The following CBLN2 variants were observed in gnomAD, a reference collection of about 807,000 sequenced individuals.
CBLN2 encodes cerebellin-2.
In CBLN2, 7 loss-of-function variants were observed where a neutral mutation model predicts 15.0. That is an observed-to-expected ratio of 0.47 (90% CI 0.27 to 0.88). The LOEUF is 0.88. Among genes scored for constraint, CBLN2 ranks in the 40% least tolerant of loss-of-function variants. The pLI is 0.14. For synonymous variants in CBLN2, 149 were observed against 135.2 expected, an observed-to-expected ratio of 1.10 and a Z score of -0.71; for missense variants, 242 against 304.5, an observed-to-expected ratio of 0.79 and a Z score of 1.53.
intron 1 of CBLN2, among the ~76,000 whole-genome samples, chr18:72,634,288 T>C (rs2069797392): frequency 6.6e-6 from 1 of 152,070 alleles, no homozygotes; most frequent in Admixed American, 6.6e-5. Flanking sequence ...AGCCTATGAA[T>C]CTACCCAAAT....
At chr18:72,629,984 A>G (rs1187497704) in intron 1 of CBLN2, among the ~76,000 whole-genome samples, 1 of 152,216 alleles carries the variant, frequency 6.6e-6, no homozygotes, top group Non-Finnish European at 1.5e-5. Context: ...TGGAAGTTAT[A>G]AAATTAGCAG....
At chr18:72,625,633 A>G (rs1005361710) in intron 1 of CBLN2, among the ~76,000 whole-genome samples, 31 of 147,284 alleles carry the variant, frequency 2.1e-4, no homozygotes, top group Non-Finnish European at 3.9e-4. Context: ...ATATAAATAT[A>G]CAGTATTACT....
intron 1 of CBLN2, among the ~76,000 whole-genome samples, chr18:72,577,670 T>C (rs2069376813): frequency 6.6e-6 from 1 of 152,216 alleles, no homozygotes; most frequent in Non-Finnish European, 1.5e-5. Context: ...CCAGGTACGC[T>C]CTGGCCTGGT....
intron 1 of CBLN2, among the ~76,000 whole-genome samples, chr18:72,603,672 A>C (rs2069563894): frequency 6.6e-6 from 1 of 152,158 alleles, no homozygotes; most frequent in Non-Finnish European, 1.5e-5. Flanking sequence ...CAGTCTGAGC[A>C]CTTCACTGCT....
chr18:72,549,060 G>A (rs1439813012), upstream of CBLN2, among the ~76,000 whole-genome samples: 3 of 151,724 alleles, frequency 2.0e-5, no homozygotes, highest in Admixed American at 1.3e-4. Context: ...CACCCAGACC[G>A]GAGGGCAATG....
At chr18:72,547,434 G>A (rs946306673), upstream of CBLN2, among the ~76,000 whole-genome samples, 5 of 151,712 alleles carry the variant, frequency 3.3e-5, no homozygotes, top group South Asian at 4.2e-4. Flanking sequence ...GTAAGAAAAC[G>A]GCACATGTAC....
intron 1 of CBLN2, among the ~76,000 whole-genome samples, chr18:72,630,495 A>AAC (rs3030024): frequency 0.83 from 116,954 of 140,326 alleles, 50,479 homozygotes; most frequent in Non-Finnish European, 0.95. Context: ...CTACTGCTCC[A>AAC]ACACACACAC....
intron 1 of CBLN2, among the ~76,000 whole-genome samples, chr18:72,580,693 A>G (rs1349021019): frequency 2.0e-5 from 3 of 152,200 alleles, no homozygotes; most frequent in Non-Finnish European, 4.4e-5. Flanking sequence ...ATTTCAAAGT[A>G]TTTTATTGTG....
chr18:72,590,458 A>C (rs2144929725), intron 1 of CBLN2, among the ~76,000 whole-genome samples: 1 of 152,286 alleles, frequency 6.6e-6, no homozygotes, highest in South Asian at 2.1e-4. Context: ...TCAAAAAAAA[A>C]AGTGGTTTTG....
chr18:72,587,681 T>G (rs972400898), intron 1 of CBLN2, among the ~76,000 whole-genome samples: 1 of 152,174 alleles, frequency 6.6e-6, no homozygotes, highest in African/African-American at 2.4e-5. Context: ...TGTCTCACAT[T>G]TCACAAAATC....
At chr18:72,615,468 G>A (rs567566446) in intron 1 of CBLN2, among the ~76,000 whole-genome samples, 1 of 151,464 alleles carries the variant, frequency 6.6e-6, no homozygotes, top group South Asian at 2.1e-4. Flanking sequence ...TAGAGAAGGG[G>A]TTTCCCCATG....
chr18:72,638,335 T>A (rs920427671), exon 1 of CBLN2: 1 of 398,420 alleles, frequency 2.5e-6, no homozygotes, highest in Non-Finnish European at 4.4e-6. Flanking sequence ...CTTGTCCCAA[T>A]CCATTCCAGT....
rs192433721 is a variant in CBLN2, at chr18:72,568,130, T to C, written c.16-29358A>G. 2.8e-3 allele frequency among the ~76,000 whole-genome samples: 421 copies of C among 152,264 alleles called. 2 individuals carry two copies. Among genetic ancestry groups the C allele is most frequent in the African/African-American group, 9.6e-3 (397 of 41,548 alleles). ...CTATATCCATTATTCATTCTGTAAG[T>C]TTGACCTGTTGTGTATAACCAGTCA... On this transcript the variant is annotated intron_variant, in intron 1 of 2. Transcript: ENST00000581073.
intron 1 of CBLN2, among the ~76,000 whole-genome samples, chr18:72,566,641 G>A (rs930209149): frequency 1.3e-5 from 2 of 152,132 alleles, no homozygotes; most frequent in Non-Finnish European, 2.9e-5. Flanking sequence ...GGTTACCAAG[G>A]CTGTGGAGGG....
upstream of CBLN2, among the ~76,000 whole-genome samples, chr18:72,547,904 A>G (rs1041198623): frequency 6.6e-6 from 1 of 152,202 alleles, no homozygotes; most frequent in African/African-American, 2.4e-5. Context: ...AGCTTTCCAA[A>G]ATATGTTTTC....
chr18:72,573,489 C>T (rs1041400581), intron 1 of CBLN2, among the ~76,000 whole-genome samples: 3 of 152,272 alleles, frequency 2.0e-5, no homozygotes, highest in South Asian at 2.1e-4. Context: ...TTTTTACTAT[C>T]TCTACATTTT....
chr18:72,636,595 C>T (rs2069814376), intron 1 of CBLN2, among the ~76,000 whole-genome samples: 1 of 152,166 alleles, frequency 6.6e-6, no homozygotes, highest in African/African-American at 2.4e-5. Context: ...GTCTCCCGTT[C>T]CCCGTGGTAC....
intron 1 of CBLN2, among the ~76,000 whole-genome samples, chr18:72,574,240 T>G (rs183244943): frequency 2.3e-3 from 352 of 152,360 alleles, no homozygotes; most frequent in African/African-American, 8.1e-3. Context: ...TCTTTCTTTA[T>G]GTTCTCTTGA....
chr18:72,565,073 C>T (rs969180747), intron 1 of CBLN2, among the ~76,000 whole-genome samples: 1 of 152,142 alleles, frequency 6.6e-6, no homozygotes, highest in Non-Finnish European at 1.5e-5. Flanking sequence ...AAATAGTCTT[C>T]ACCAGACAAG....
Sources: allele counts gnomAD v4.1 joint callset (sites outside exome capture counted in the v4.1 genomes callset), GRCh38; gene constraint gnomAD v4.1.1; transcripts MANE v1.5; gene names NCBI Gene and HGNC (gene_info 2026-07-23, HGNC 2026-07-21).